Variants in SMPD3 observed in about 807,000 individuals in gnomAD.
SMPD3 encodes the protein sphingomyelin phosphodiesterase 3.
SMPD3 carries 21 observed loss-of-function variants against 55.7 expected under a neutral mutation model. That is an observed-to-expected ratio of 0.38 (90% CI 0.27 to 0.54). The LOEUF is 0.54. SMPD3 is among the 20% of genes least tolerant of loss of function. SMPD3 has a pLI of 0.80. For missense variants in SMPD3, 842 were observed against 899.6 expected (o/e 0.94, Z 0.82); for synonymous variants, 457 against 404.3 (o/e 1.13, Z -1.56).
rs763643360 is a variant in SMPD3 at position 68,371,762 on chromosome 16, C to T, written c.420G>A (p.Arg140=). ...CTTGGGTGTTAAAAAGGTTGTTGAC[C>T]CTGGCGAGTGAGTCGGGCAGGAGGC... The part of the protein sequence containing the change: ...NVCLLPDSLA[R]VNNLFNTQAR... The change falls in exon 3 of 9, where the codon AGG becomes AGA. Residue 140 remains arginine, a synonymous_variant. Coordinates refer to ENST00000219334, the MANE Select transcript of SMPD3 (RefSeq NM_018667.4). 71 of 1,611,430 alleles carry T rather than the reference C, an allele frequency of 4.4e-5. 1 individual carries two copies. In the South Asian group the frequency reaches 7.4e-4, roughly 17 times the overall value.
chr16:68,411,888 TAGAC>T (rs990038758), intron 1 of SMPD3, among the ~76,000 whole-genome samples: 10 of 151,998 alleles, frequency 6.6e-5, no homozygotes, highest in Non-Finnish European at 1.3e-4. Context: ...ATGAAAATGA[TAGAC>T]AGGAGAAATC....
rs538371085 is a variant in SMPD3, at chr16:68,365,507, TC to T, written c.1324-416del. ...GACCTGGTCACACCCTGGTGCTTTC[TC>T]CCCCTGAAATCTCAGGGGGTTGCCC... On this transcript the variant is annotated intron_variant, in intron 3 of 8. Coordinates refer to ENST00000219334, the MANE Select transcript of SMPD3 (RefSeq NM_018667.4). Among the ~76,000 whole-genome samples the T allele has an allele frequency of 1.5e-3, 230 of 149,342 alleles. 4 individuals are homozygous for T. In the Middle Eastern group the frequency reaches 0.049, roughly 32 times the overall value.
chr16:68,407,702 G>A (rs899634492), intron 1 of SMPD3, among the ~76,000 whole-genome samples: 5 of 152,032 alleles, frequency 3.3e-5, no homozygotes, highest in African/African-American at 1.2e-4. Context: ...CTCTTAGAAT[G>A]TGTAGCATAT....
intron 2 of SMPD3, among the ~76,000 whole-genome samples, chr16:68,377,696 C>T (rs1348183336): frequency 6.6e-6 from 1 of 152,240 alleles, no homozygotes; most frequent in East Asian, 1.9e-4. Context: ...ACCTCTGCTA[C>T]TGGACGTCAA....
In SMPD3 at chr16:68,371,098, G is replaced by A. The variant is rs2089650896; in HGVS notation, c.1084C>T (p.Leu362=). 1.2e-6 allele frequency: 2 copies of A among 1,614,158 alleles called. No homozygotes were observed. The highest frequency in any genetic ancestry group is 1.7e-6 in the Non-Finnish European group (2 of 1,180,038). ...FFPANLDFLC[L]QEVFDKRAAT... ...GCTCGCTTGTCAAACACCTCCTGCA[G>A]GCACAGGAAGTCCAGGTTGGCGGGG... The change falls in exon 3 of 9, where the codon CTG becomes TTG. Residue 362 remains leucine (L), a synonymous_variant. Coordinates refer to ENST00000219334, the MANE Select transcript of SMPD3 (RefSeq NM_018667.4).
intron 1 of SMPD3, among the ~76,000 whole-genome samples, chr16:68,428,600 C>T (rs2090456137): frequency 6.6e-6 from 1 of 152,188 alleles, no homozygotes; most frequent in African/African-American, 2.4e-5. Context: ...GAACCGGTCA[C>T]AGAGAGAAAA....
intron 1 of SMPD3, among the ~76,000 whole-genome samples, chr16:68,439,994 C>T (rs74024530): frequency 0.018 from 2,807 of 152,262 alleles, 92 homozygotes; most frequent in African/African-American, 0.063. Flanking sequence ...GAAAGAGCCT[C>T]ATGTGTGTTA....
chr16:68,437,074 T>C (rs924667230), intron 1 of SMPD3, among the ~76,000 whole-genome samples: 2 of 152,362 alleles, frequency 1.3e-5, no homozygotes, highest in Admixed American at 6.5e-5. Context: ...CATTTGCACA[T>C]TTTCTACACT....
At chr16:68,391,248 T>C (rs1436443743) in intron 1 of SMPD3, among the ~76,000 whole-genome samples, 1 of 152,218 alleles carries the variant, frequency 6.6e-6, no homozygotes, top group African/African-American at 2.4e-5. Context: ...GGATCTCTGT[T>C]AGTTGGACTC....
At chr16:68,406,628 T>C (rs951179094) in intron 1 of SMPD3, among the ~76,000 whole-genome samples, 1 of 152,236 alleles carries the variant, frequency 6.6e-6, no homozygotes, top group Non-Finnish European at 1.5e-5. Flanking sequence ...CATCTGCCAC[T>C]GGCATCTCCA....
intron 1 of SMPD3, among the ~76,000 whole-genome samples, chr16:68,398,764 C>T (rs1232290905): frequency 6.6e-6 from 1 of 152,130 alleles, no homozygotes. Context: ...GAAAGAAAAG[C>T]CACCTAGGAA....
Position 68,361,323 on chromosome 16 carries a change from G to A in SMPD3, c.1867-16C>T. ...CTTCCACCTCCTGGGGTGAGTGGGA[G>A]AGGGGAGAAACAGCCTGGTCAGATT... On this transcript the variant is annotated splice_polypyrimidine_tract_variant and intron_variant, in intron 8 of 8. Coordinates refer to ENST00000219334, the MANE Select transcript of SMPD3 (RefSeq NM_018667.4). The A allele has an allele frequency of 6.2e-7, 1 of 1,602,824 alleles. No individual in the cohort carries two copies. Among genetic ancestry groups the A allele is most frequent in the Non-Finnish European group, 8.5e-7 (1 of 1,174,264 alleles).
At chr16:68,407,170 T>C (rs914601064) in intron 1 of SMPD3, among the ~76,000 whole-genome samples, 4 of 152,158 alleles carry the variant, frequency 2.6e-5, no homozygotes, top group African/African-American at 9.7e-5. Flanking sequence ...TGCTTAACCA[T>C]AAGTGTAGCT....
chr16:68,361,551 G>A (rs371944439), intron 8 of SMPD3, 52 bp downstream of exon 8: 281 of 1,593,532 alleles, frequency 1.8e-4, no homozygotes, highest in Non-Finnish European at 2.0e-4. Flanking sequence ...TGCAGGGCCC[G>A]GGCCCTGCTC....
At chr16:68,417,973 C>T (rs2090352450) in intron 1 of SMPD3, among the ~76,000 whole-genome samples, 1 of 152,182 alleles carries the variant, frequency 6.6e-6, no homozygotes, top group Non-Finnish European at 1.5e-5. Flanking sequence ...CATAATTATT[C>T]TGAAGAAAAA....
chr16:68,369,338 G>A (rs1316904219), intron 3 of SMPD3: 2 of 152,250 alleles, frequency 1.3e-5, no homozygotes, highest in African/African-American at 4.8e-5. Context: ...AACCTGGGAG[G>A]AGGGGCTGTC....
At chr16:68,399,299 G>A (rs887339730) in intron 1 of SMPD3, among the ~76,000 whole-genome samples, 2 of 152,156 alleles carry the variant, frequency 1.3e-5, no homozygotes, top group African/African-American at 4.8e-5. Context: ...CTCCTGCTCT[G>A]GGTTCAAGGT....
intron 3 of SMPD3, among the ~76,000 whole-genome samples, 155 bp downstream of exon 3, chr16:68,370,704 T>C (rs2089635658): frequency 6.6e-6 from 1 of 152,138 alleles, no homozygotes; most frequent in South Asian, 2.1e-4. Context: ...GCCAGGGCCC[T>C]GCTGTTTGGC....
At chr16:68,419,547 C>T (rs2090372068) in intron 1 of SMPD3, among the ~76,000 whole-genome samples, 3 of 152,222 alleles carry the variant, frequency 2.0e-5, no homozygotes, top group Admixed American at 2.0e-4. Context: ...TGTTGACTGT[C>T]TTTCCTCAAA....
Sources: gnomAD v4.1 joint callset for allele counts (sites outside exome capture counted in the v4.1 genomes callset) on GRCh38, gnomAD v4.1.1 for gene constraint, MANE v1.5 for transcripts, NCBI Gene and HGNC (gene_info 2026-07-23, HGNC 2026-07-21) for gene names.